The following SGK1 variants were observed in gnomAD, a reference collection of about 807,000 sequenced individuals.
SGK1 encodes serine/threonine-protein kinase Sgk1.
Under a neutral mutation model 64.2 loss-of-function variants are expected in SGK1, and 26 were observed. The ratio of observed to expected loss-of-function variants is 0.40; its 90% CI spans 0.30 to 0.56. SGK1 has a LOEUF of 0.56. SGK1 is among the 20% of genes least tolerant of loss of function. The pLI is 0.38. For synonymous variants in SGK1, 265 were observed against 239.7 expected, an observed-to-expected ratio of 1.11 and a Z score of -0.98; for missense variants, 519 against 645.6, an observed-to-expected ratio of 0.80 and a Z score of 2.12.
Position 134,170,919 on chromosome 6 carries a change from T to C in SGK1, c.1324-4A>G. On this transcript the variant is annotated splice_region_variant and splice_polypyrimidine_tract_variant and intron_variant, in intron 12 of 13. Coordinates refer to ENST00000367858, the MANE Select transcript of SGK1 (RefSeq NM_001143676.3). ...AGACATGACTCTTAATCTCCATCTGTTGATAAGAAACCCAAGATTAATTTA... is the reference window on the plus strand; with the variant it reads ...AGACATGACTCTTAATCTCCATCTGCTGATAAGAAACCCAAGATTAATTTA... The C allele has an allele frequency of 6.2e-7, 1 of 1,610,070 alleles. No homozygotes were observed. The highest frequency in any genetic ancestry group is 8.5e-7 in the Non-Finnish European group (1 of 1,176,450).
intron 1 of SGK1, among the ~76,000 whole-genome samples, chr6:134,262,859 T>C (rs1334554779): frequency 6.6e-6 from 1 of 151,740 alleles, no homozygotes. Context: ...CTGGGCAAAA[T>C]AGCGAAACTT....
At chr6:134,307,791 G>T (rs1171753848) in intron 1 of SGK1, among the ~76,000 whole-genome samples, 2 of 152,106 alleles carry the variant, frequency 1.3e-5, no homozygotes, top group Non-Finnish European at 2.9e-5. Flanking sequence ...ATCACTCCAA[G>T]ATTTTCTTTA....
At chr6:134,204,886 T>C (rs1775743740) in intron 3 of SGK1, among the ~76,000 whole-genome samples, 2 of 152,298 alleles carry the variant, frequency 1.3e-5, no homozygotes, top group Non-Finnish European at 2.9e-5. Context: ...TCAAAAATTG[T>C]CCAAGCAACA....
At chr6:134,209,341 G>A (rs1775847921) in intron 2 of SGK1, among the ~76,000 whole-genome samples, 1 of 152,104 alleles carries the variant, frequency 6.6e-6, no homozygotes, top group Non-Finnish European at 1.5e-5. Flanking sequence ...ACCTGAGGCA[G>A]GAGAATCGCT....
In SGK1 at chr6:134,270,756, C is replaced by T. The variant is rs139758115; in HGVS notation, c.70-8608G>A. Among the ~76,000 whole-genome samples, 7 of 148,034 alleles carry T rather than the reference C, an allele frequency of 4.7e-5. 1 individual carries two copies. Among genetic ancestry groups the T allele is most frequent in the African/African-American group, 1.5e-4 (6 of 41,092 alleles). ...CTCTGGGGAAGTGGGAAAACGGAGA[C>T]GCAATGCGTCCATGTACCCTATTTA... is the stretch of plus-strand genomic sequence containing the variant. On this transcript the variant is annotated intron_variant, in intron 1 of 13. Transcript: ENST00000367858.
At chr6:134,312,366 A>G (rs1035940783) in intron 1 of SGK1, among the ~76,000 whole-genome samples, 2 of 152,238 alleles carry the variant, frequency 1.3e-5, no homozygotes, top group African/African-American at 4.8e-5. Context: ...ATAGAACAGT[A>G]AAAGGAAAAC....
chr6:134,303,017 A>C (rs1777480987), intron 1 of SGK1, among the ~76,000 whole-genome samples: 1 of 152,060 alleles, frequency 6.6e-6, no homozygotes, highest in African/African-American at 2.4e-5. Flanking sequence ...AGCCTCCCAA[A>C]GTGTCAGGAT....
At chr6:134,182,625 G>A (rs376981673) in intron 3 of SGK1, among the ~76,000 whole-genome samples, 6 of 152,064 alleles carry the variant, frequency 3.9e-5, no homozygotes, top group African/African-American at 1.4e-4. Flanking sequence ...CAACACTGTC[G>A]CACAGTGCAA....
intron 2 of SGK1, among the ~76,000 whole-genome samples, chr6:134,225,098 C>T (rs1298620793): frequency 1.3e-5 from 2 of 150,824 alleles, no homozygotes; most frequent in African/African-American, 2.4e-5. Context: ...GCTGATAATC[C>T]CAGCACTTTG....
rs1775002088 is a variant in SGK1, at chr6:134,171,023, G to A, written c.1323C>T (p.Phe441=). ...AGGAGGACAGGAAAACATCACTCAC[G>A]AAGTCATCCTTGGCCCCGAGCCGCT... is the stretch of plus-strand genomic sequence containing the variant. ...RTKRLGAKDD[F]MEIKSHVFFS... The change falls in exon 12 of 14, where the codon TTC becomes TTT. Residue 441 remains phenylalanine (F), a splice_region_variant and synonymous_variant. Coordinates refer to ENST00000367858, the MANE Select transcript of SGK1 (RefSeq NM_001143676.3). The A allele has an allele frequency of 5.0e-6, 8 of 1,614,028 alleles. No homozygotes were observed. Among genetic ancestry groups the A allele is most frequent in the African/African-American group, 1.3e-5 (1 of 75,036 alleles).
At chr6:134,254,724 C>T (rs1233894723) in intron 2 of SGK1, among the ~76,000 whole-genome samples, 2 of 152,078 alleles carry the variant, frequency 1.3e-5, no homozygotes, top group Non-Finnish European at 2.9e-5. Flanking sequence ...TATATACTCA[C>T]ACTCATAGAT....
chr6:134,226,191 T>C (rs796930004), intron 2 of SGK1, among the ~76,000 whole-genome samples: 5 of 151,916 alleles, frequency 3.3e-5, no homozygotes, highest in African/African-American at 1.2e-4. Context: ...GAAGGTGATA[T>C]CAACAAAATG....
At chr6:134,306,322 CT>C (rs2114797952) in intron 1 of SGK1, among the ~76,000 whole-genome samples, 1 of 152,020 alleles carries the variant, frequency 6.6e-6, no homozygotes, top group African/African-American at 2.4e-5. Flanking sequence ...ACTCAGGAGG[CT>C]GAGGCAGAAG....
intron 2 of SGK1, among the ~76,000 whole-genome samples, chr6:134,212,825 A>T (rs1224655088): frequency 6.6e-6 from 1 of 152,214 alleles, no homozygotes; most frequent in Non-Finnish European, 1.5e-5. Context: ...CTATTTGGGA[A>T]AATTGCCATA....
chr6:134,172,244 C>T lies in SGK1; in HGVS notation c.1020G>A (p.Lys340=). 2 of 1,614,168 alleles carry T rather than the reference C, an allele frequency of 1.2e-6. No individual in the cohort carries two copies. Among genetic ancestry groups the T allele is most frequent in the South Asian group, 2.2e-5 (2 of 91,090 alleles). The change falls in exon 10 of 14, where the codon AAG becomes AAA. Residue 340 remains lysine (K), a synonymous_variant. Transcript: ENST00000367858. The stretch of plus-strand genomic sequence containing the variant: ...TTGTGCTGTTGTGTTCAATGTTCTC[C>T]TTGCAGAGTCCGAAGTCAGTAAGGA... ...HIVLTDFGLC[K]ENIEHNSTTS...
intron 1 of SGK1, among the ~76,000 whole-genome samples, chr6:134,281,377 G>T (rs1219031248): frequency 6.6e-6 from 1 of 152,104 alleles, no homozygotes; most frequent in African/African-American, 2.4e-5. Context: ...TGTAACAAGT[G>T]GTAAGGATGA....
chr6:134,200,443 G>A (rs768256735), intron 3 of SGK1, among the ~76,000 whole-genome samples: 5 of 152,118 alleles, frequency 3.3e-5, no homozygotes, highest in Admixed American at 1.3e-4. Flanking sequence ...CTGTCGTCTG[G>A]CACTCACACA....
At chr6:134,262,924 C>T (rs1776790136) in intron 1 of SGK1, among the ~76,000 whole-genome samples, 4 of 151,388 alleles carry the variant, frequency 2.6e-5, no homozygotes, top group Admixed American at 2.6e-4. Context: ...GATCCTTTTG[C>T]CTCTTAAAGT....
chr6:134,184,643 T>G (rs1203887826), intron 3 of SGK1, among the ~76,000 whole-genome samples: 1 of 152,188 alleles, frequency 6.6e-6, no homozygotes, highest in East Asian at 1.9e-4. Context: ...GGGTTTATTG[T>G]TGATTTACCC....
Sources: allele counts gnomAD v4.1 joint callset (sites outside exome capture counted in the v4.1 genomes callset), GRCh38; gene constraint gnomAD v4.1.1; transcripts MANE v1.5; gene names NCBI Gene and HGNC (gene_info 2026-07-23, HGNC 2026-07-21).